MCF2L: variants seen among roughly 807,000 people sequenced by gnomAD.
The protein encoded by MCF2L is guanine nucleotide exchange factor DBS.
A neutral mutation model predicts 153.4 loss-of-function variants in MCF2L; 97 were observed. The ratio of observed to expected loss-of-function variants is 0.63; its 90% confidence interval spans 0.54 to 0.75. The LOEUF is 0.75. Among genes scored for constraint, MCF2L ranks in the 30% least tolerant of loss-of-function variants. The pLI is 0.00. For missense variants in MCF2L, 1,347 were observed against 1,495.2 expected, an observed-to-expected ratio of 0.90 and a Z score of 1.64; for synonymous variants, 659 against 632.2, an observed-to-expected ratio of 1.04 and a Z score of -0.64.
At chr13:113,011,518 C>T (rs928546172) in intron 1 of MCF2L, among the ~76,000 whole-genome samples, 1 of 144,122 alleles carries the variant, frequency 6.9e-6, no homozygotes, top group Non-Finnish European at 1.5e-5. Flanking sequence ...GGACGGTGGA[C>T]AGGCTGGGTG....
intron 8 of MCF2L, among the ~76,000 whole-genome samples, chr13:113,066,545 T>G (rs888199268): frequency 6.6e-6 from 1 of 152,208 alleles, no homozygotes; most frequent in Non-Finnish European, 1.5e-5. Flanking sequence ...GGGTTCTCCT[T>G]GCTGCAGATA....
chr13:112,912,802 G>C (rs543246113), intron 2 of MCF2L, among the ~76,000 whole-genome samples: 2 of 151,738 alleles, frequency 1.3e-5, no homozygotes, highest in East Asian at 3.9e-4. Flanking sequence ...GTGTATCTCT[G>C]TGTGTGTATG....
In MCF2L at chr13:112,904,389, C is replaced by T. The variant is rs2081150976; in HGVS notation, c.169+2018C>T. Among the ~76,000 whole-genome samples the T allele has an allele frequency of 6.6e-6, 1 of 152,180 alleles. No homozygotes were observed. The highest frequency in any genetic ancestry group is 2.1e-4 in the South Asian group (1 of 4,834). ...CTGGCTTTGTTCCTGCCCCTGCTGA[C>T]CCCACAAGCTTGGGTGGGTTGAGAA... is the stretch of plus-strand genomic sequence containing the variant. On this transcript the variant is annotated intron_variant, in intron 2 of 29. Coordinates refer to the MCF2L transcript ENST00000375608. The surrounding 1 kb of genome is among the most constrained non-coding windows in gnomAD (Gnocchi z 4.2).
chr13:112,917,273 T>TGCAGCTCCATCCACC (rs1428939013), intron 2 of MCF2L: 2 of 440,006 alleles, frequency 4.5e-6, no homozygotes, highest in Non-Finnish European at 9.3e-6. Flanking sequence ...CGTCATCCAC[T>TGCAGCTCCATCCACC]GCAGCTCCAT....
chr13:112,979,476 GT>G, intron 1 of MCF2L: 1 of 1,428,266 alleles, frequency 7.0e-7, no homozygotes, highest in Admixed American at 2.9e-5. Context: ...TTTCTTGTGA[GT>G]TGGCGAAGCC....
intron 23 of MCF2L, 66 bp downstream of exon 23, chr13:113,087,865 T>C: frequency 3.0e-6 from 4 of 1,347,244 alleles, no homozygotes; most frequent in Non-Finnish European, 4.2e-6. Context: ...TGGGAACCAG[T>C]GCAAGGATCT....
At chr13:112,980,100 T>TG (rs1329631228) in intron 1 of MCF2L, among the ~76,000 whole-genome samples, 1 of 152,064 alleles carries the variant, frequency 6.6e-6, no homozygotes, top group Admixed American at 6.6e-5. Flanking sequence ...ACGCGGTCTG[T>TG]GGGCAGGTGG....
chr13:112,913,265 CTGTA>C (rs1447710232), intron 2 of MCF2L, among the ~76,000 whole-genome samples: 16 of 148,894 alleles, frequency 1.1e-4, no homozygotes, highest in African/African-American at 3.2e-4. Context: ...ATCTCTGTGT[CTGTA>C]TGTATGGGGT....
rs991083307 is a variant in MCF2L at position 113,049,850 on chromosome 13, G to A, written c.369+4489G>A. ...AAGAGCTGAGCTCTCCCTAATTTGG[G>A]GTGTTCTTTTTTCTTTTCTGGATGC... On this transcript the variant is annotated intron_variant, in intron 4 of 29. Transcript: ENST00000535094. 5.3e-5 allele frequency among the ~76,000 whole-genome samples: 8 copies of A among 152,208 alleles called. No individual in the cohort carries two copies. The East Asian group carries it at 5.8e-4, about 11-fold the overall frequency.
chr13:113,080,294 C>A (rs1024404223), intron 15 of MCF2L, among the ~76,000 whole-genome samples: 54 of 151,764 alleles, frequency 3.6e-4, no homozygotes, highest in Non-Finnish European at 1.0e-4. Context: ...GAGGAGTGTC[C>A]ATACGGAGGA....
rs73572883 is a variant in MCF2L at position 112,944,557 on chromosome 13, G to T, written c.169+42186G>T. 1.8e-3 allele frequency among the ~76,000 whole-genome samples: 253 copies of T among 142,396 alleles called. 2 individuals carry two copies. The highest frequency in any genetic ancestry group is 6.2e-3 in the African/African-American group (240 of 38,744). The allele number at this position is 142,396 out of a possible 152,430, so 93.4% of individuals were successfully genotyped here. On this transcript the variant is annotated intron_variant, in intron 2 of 29. Coordinates refer to the MCF2L transcript ENST00000375608. ...GCTGTCAATCTGTCAGTCCTGTCCC[G>T]CTAAACCTGAACTTTTTTTTTTTTT... is the stretch of plus-strand genomic sequence containing the variant.
Position 113,031,302 on chromosome 13 carries a change from A to G in MCF2L, c.278+6544A>G, listed in dbSNP as rs1256698773. On this transcript the variant is annotated intron_variant, in intron 3 of 29. Transcript: ENST00000535094. This position sits in a 1 kb window ranked among gnomAD's most constrained non-coding sequence, Gnocchi z 5.5. ...ACGGAGACACAGAGATAAAGAGAGC[A>G]CGAGGGAGGCAGAGGGCAGGGGTGG... Among the ~76,000 whole-genome samples the G allele has an allele frequency of 6.6e-6, 1 of 152,110 alleles. No individual in the cohort carries two copies. Among genetic ancestry groups the G allele is most frequent in the Admixed American group, 6.5e-5 (1 of 15,270 alleles).
At chr13:112,939,834 T>A (rs1012361739) in intron 2 of MCF2L, among the ~76,000 whole-genome samples, 1 of 151,962 alleles carries the variant, frequency 6.6e-6, no homozygotes. Flanking sequence ...TAGCTGGGCA[T>A]GTTGGCATGC....
At chr13:113,013,523 G>T (rs2084310273) in intron 1 of MCF2L, among the ~76,000 whole-genome samples, 1 of 152,242 alleles carries the variant, frequency 6.6e-6, no homozygotes, top group Admixed American at 6.5e-5. Context: ...ACACTTGTTT[G>T]TCTGCAAGAC....
At chr13:112,968,325 T>C (rs1566668206), upstream of MCF2L, 1 of 1,157,724 alleles carries the variant, frequency 8.6e-7, no homozygotes, top group African/African-American at 1.6e-5. Context: ...GCTGCGGTTT[T>C]GGGCGAGGAG....
intron 25 of MCF2L, among the ~76,000 whole-genome samples, chr13:113,089,189 A>G (rs1157623178): frequency 3.8e-5 from 1 of 26,334 alleles, no homozygotes; most frequent in African/African-American, 1.2e-4. Flanking sequence ...CCGCCCCCCG[A>G]AAAAAAAAGC....
At chr13:112,938,676 G>A (rs1297633800) in intron 2 of MCF2L, among the ~76,000 whole-genome samples, 1 of 152,098 alleles carries the variant, frequency 6.6e-6, no homozygotes, top group Admixed American at 6.5e-5. Context: ...GTTTTATCAT[G>A]CTCATGTCAA....
At chr13:112,963,408 G>A (rs1464437767) in intron 2 of MCF2L, among the ~76,000 whole-genome samples, 7 of 152,198 alleles carry the variant, frequency 4.6e-5, no homozygotes, top group African/African-American at 7.2e-5. Flanking sequence ...TCCTCAGAGC[G>A]CTCTCTTTGC....
intron 1 of MCF2L, among the ~76,000 whole-genome samples, chr13:112,900,938 A>G (rs756841348): frequency 6.6e-6 from 1 of 151,920 alleles, no homozygotes; most frequent in East Asian, 1.9e-4. Context: ...GGTTTAGCTG[A>G]AGACAATGAA....
Sources: allele counts gnomAD v4.1 joint callset (sites outside exome capture counted in the v4.1 genomes callset), GRCh38; gene constraint gnomAD v4.1.1; non-coding constraint Gnocchi (gnomAD v3.1); transcripts MANE v1.5; gene names NCBI Gene and HGNC (gene_info 2026-07-23, HGNC 2026-07-21).